The following ARHGAP15 variants were observed in gnomAD, a reference collection of about 807,000 sequenced individuals.
ARHGAP15 encodes the protein rho GTPase-activating protein 15.
ARHGAP15 carries 51 observed loss-of-function variants against 63.7 expected under a neutral mutation model. That is an observed-to-expected ratio of 0.80 (90% confidence interval 0.64 to 1.01). The LOEUF is 1.01. Ranked by LOEUF, ARHGAP15 falls within the 50% of genes least tolerant of loss-of-function variation. The pLI, the probability that ARHGAP15 is intolerant of heterozygous loss-of-function variation, is 0.00. For missense variants in ARHGAP15, 560 were observed against 564.6 expected, an observed-to-expected ratio of 0.99 and a Z score of 0.08; for synonymous variants, 191 against 193.8, an observed-to-expected ratio of 0.99 and a Z score of 0.12.
intron 12 of ARHGAP15, among the ~76,000 whole-genome samples, chr2:143,666,395 T>G (rs1362370474): frequency 1.3e-5 from 2 of 152,134 alleles, no homozygotes; most frequent in Non-Finnish European, 1.5e-5. Context: ...TATCGCTTCC[T>G]TACACCTTAT....
At chr2:143,301,712 T>A (rs1284573714) in intron 6 of ARHGAP15, among the ~76,000 whole-genome samples, 1 of 151,862 alleles carries the variant, frequency 6.6e-6, no homozygotes, top group Non-Finnish European at 1.5e-5. Flanking sequence ...ATATAACACA[T>A]CTTTCCATAT....
chr2:143,615,589 C>T (rs527679999), intron 11 of ARHGAP15, among the ~76,000 whole-genome samples: 5 of 152,192 alleles, frequency 3.3e-5, no homozygotes, highest in African/African-American at 9.6e-5. Context: ...TGCATTTTTG[C>T]TTACAATGGA....
At chr2:143,378,758 C>A (rs1686922560) in intron 6 of ARHGAP15, among the ~76,000 whole-genome samples, 1 of 151,962 alleles carries the variant, frequency 6.6e-6, no homozygotes, top group South Asian at 2.1e-4. Context: ...GCCCTAAAGA[C>A]AGGTTGCTTG....
intron 10 of ARHGAP15, among the ~76,000 whole-genome samples, chr2:143,529,986 C>A (rs563061184): frequency 2.0e-5 from 3 of 152,198 alleles, no homozygotes; most frequent in East Asian, 3.9e-4. Context: ...GCACACTATA[C>A]CTGGCATATG....
intron 6 of ARHGAP15, among the ~76,000 whole-genome samples, chr2:143,396,875 G>A (rs1334722471): frequency 6.6e-6 from 1 of 152,080 alleles, no homozygotes; most frequent in African/African-American, 2.4e-5. Context: ...GCTCTTTGAA[G>A]TCTGTGAAGA....
At chr2:143,350,262 G>A (rs1685498158) in intron 6 of ARHGAP15, among the ~76,000 whole-genome samples, 1 of 151,844 alleles carries the variant, frequency 6.6e-6, no homozygotes, top group Non-Finnish European at 1.5e-5. Flanking sequence ...ACTGCATTTT[G>A]TGCCTCCTGT....
At chr2:143,532,280 A>T (rs901116675) in intron 10 of ARHGAP15, among the ~76,000 whole-genome samples, 1 of 152,226 alleles carries the variant, frequency 6.6e-6, no homozygotes, top group Admixed American at 6.5e-5. Flanking sequence ...AGCACCTGTT[A>T]CAGTATAGAG....
intron 12 of ARHGAP15, among the ~76,000 whole-genome samples, chr2:143,677,235 T>C (rs1348556431): frequency 6.6e-6 from 1 of 152,196 alleles, no homozygotes; most frequent in East Asian, 1.9e-4. Context: ...TGCTCAGGGA[T>C]TTATGTGTGG....
chr2:143,602,497 G>C (rs1456765950), intron 11 of ARHGAP15, among the ~76,000 whole-genome samples: 2 of 152,088 alleles, frequency 1.3e-5, no homozygotes, highest in African/African-American at 4.8e-5. Flanking sequence ...TTGTTTGTTT[G>C]CTTGTTTTCA....
intron 6 of ARHGAP15, among the ~76,000 whole-genome samples, chr2:143,307,256 C>G (rs1683215205): frequency 1.3e-5 from 2 of 152,066 alleles, no homozygotes; most frequent in Admixed American, 1.3e-4. Flanking sequence ...GCTTTGGGAC[C>G]ATGGTTACAT....
chr2:143,473,919 A>G (rs987759570), intron 8 of ARHGAP15, among the ~76,000 whole-genome samples: 1 of 152,160 alleles, frequency 6.6e-6, no homozygotes. Context: ...TTCCAAGACC[A>G]GAAGTTCCAT....
At chr2:143,243,624 C>T (rs551911702) in intron 5 of ARHGAP15, among the ~76,000 whole-genome samples, 9 of 152,034 alleles carry the variant, frequency 5.9e-5, no homozygotes, top group African/African-American at 1.4e-4. Flanking sequence ...GCTGTAGAAT[C>T]GGAAATATGT....
chr2:143,483,117 C>T lies in ARHGAP15; in HGVS notation c.704-4256C>T, dbSNP rs1443888361. On this transcript the variant is annotated intron_variant, in intron 8 of 13. Transcript: ENST00000295095. ...GGAAACAAGATAAAGCATTTAAAAA[C>T]ATATTTTCATTTTCTTTGAAAAACC... 2.6e-5 allele frequency among the ~76,000 whole-genome samples: 4 copies of T among 152,170 alleles called. No individual in the cohort carries two copies. The East Asian group carries it at 7.7e-4, about 29-fold the overall frequency.
chr2:143,395,722 T>A (rs888064615), intron 6 of ARHGAP15, among the ~76,000 whole-genome samples: 14 of 152,044 alleles, frequency 9.2e-5, no homozygotes, highest in Admixed American at 6.6e-4. Context: ...TCAGTGGCCC[T>A]GTGGCAGGAG....
chr2:143,668,397 T>C (rs1184474738), intron 12 of ARHGAP15, among the ~76,000 whole-genome samples: 2 of 151,874 alleles, frequency 1.3e-5, no homozygotes, highest in Non-Finnish European at 2.9e-5. Flanking sequence ...AGAATCTCCC[T>C]GGTGCAAGCT....
rs1239149068 is a variant in ARHGAP15 at position 143,673,750 on chromosome 2, G to GTATATATATATA, written c.1139-29668_1139-29667insATATATATATAT. On this transcript the variant is annotated intron_variant, in intron 12 of 13. Transcript: ENST00000295095. ...TGTGTGTGTGTGTGTGTGTGTGTGT[G>GTATATATATATA]TGTGTGTGTATATATATATATATAT... 4.1e-3 allele frequency among the ~76,000 whole-genome samples: 143 copies of GTATATATATATA among 34,622 alleles called. 2 individuals are homozygous for GTATATATATATA. The highest frequency in any genetic ancestry group is 7.9e-3 in the South Asian group (4 of 508). 22.7% of individuals were successfully genotyped at this position (34,622 alleles called of 152,430 possible). A position where few individuals can be genotyped will look rare whatever the true frequency, so the allele number is the denominator to read the frequency against.
intron 13 of ARHGAP15, among the ~76,000 whole-genome samples, chr2:143,731,972 A>C (rs756219987): frequency 1.3e-4 from 20 of 152,216 alleles, no homozygotes; most frequent in Non-Finnish European, 2.4e-4. Context: ...AGTATGTCTG[A>C]ATCCAGAGCC....
At chr2:143,566,463 C>G (rs1425947802) in intron 11 of ARHGAP15, among the ~76,000 whole-genome samples, 1 of 152,070 alleles carries the variant, frequency 6.6e-6, no homozygotes, top group Non-Finnish European at 1.5e-5. Context: ...TCACATGGAG[C>G]CTCCATGTGC....
At chr2:143,236,248 G>A in intron 5 of ARHGAP15, 1 of 282,380 alleles carries the variant, frequency 3.5e-6, no homozygotes, top group Non-Finnish European at 6.5e-6. Flanking sequence ...ATTTTGTATA[G>A]GTTTATTATA....
Sources: gnomAD v4.1 joint callset for allele counts (sites outside exome capture counted in the v4.1 genomes callset) on GRCh38, gnomAD v4.1.1 for gene constraint, MANE v1.5 for transcripts, NCBI Gene and HGNC (gene_info 2026-07-23, HGNC 2026-07-21) for gene names.